The following PHACTR1 variants were observed in gnomAD, a reference collection of about 807,000 sequenced individuals.
PHACTR1 encodes phosphatase and actin regulator 1, also known as RPEL repeat containing 1.
Under a neutral mutation model 69.2 loss-of-function variants are expected in PHACTR1, and 16 were observed. The ratio of observed to expected loss-of-function variants is 0.23; its 90% CI spans 0.16 to 0.35. PHACTR1 has a LOEUF of 0.35. PHACTR1 is among the 10% of genes least tolerant of loss of function. The pLI is 1.00. For missense variants in PHACTR1, 510 were observed against 734.7 expected, an observed-to-expected ratio of 0.69 and a Z score of 3.54; for synonymous variants, 312 against 284.5, an observed-to-expected ratio of 1.10 and a Z score of -0.97.
intron 5 of PHACTR1, among the ~76,000 whole-genome samples, chr6:13,062,052 C>G (rs1038427531): frequency 5.9e-5 from 9 of 152,178 alleles, no homozygotes; most frequent in Admixed American, 2.6e-4. Context: ...TAGCCTTAGT[C>G]TGCTTCTGTC....
chr6:13,231,547 G>A (rs1029943506), intron 10 of PHACTR1, among the ~76,000 whole-genome samples: 1 of 152,202 alleles, frequency 6.6e-6, no homozygotes, highest in Non-Finnish European at 1.5e-5. Context: ...GATAAGGTGT[G>A]GTTTGATTAA....
intron 4 of PHACTR1, among the ~76,000 whole-genome samples, chr6:12,998,478 T>C (rs745461078): frequency 6.6e-6 from 1 of 151,878 alleles, no homozygotes; most frequent in Non-Finnish European, 1.5e-5. Context: ...TAGCCAGGCA[T>C]GGTGGTGCAC....
intron 4 of PHACTR1, among the ~76,000 whole-genome samples, chr6:13,037,944 A>G (rs1803562093): frequency 6.6e-6 from 1 of 152,058 alleles, no homozygotes; most frequent in Admixed American, 6.6e-5. Flanking sequence ...ATCAAGGACA[A>G]CTCGTTGGTT....
intron 10 of PHACTR1, among the ~76,000 whole-genome samples, chr6:13,240,858 A>G (rs980064832): frequency 2.0e-5 from 3 of 152,220 alleles, no homozygotes; most frequent in African/African-American, 7.2e-5. Flanking sequence ...TGCTGTAGAT[A>G]AAGTGTTTCC....
chr6:13,027,556 AC>A (rs34511027), intron 4 of PHACTR1, among the ~76,000 whole-genome samples: 105,850 of 151,976 alleles, frequency 0.7, 38,999 homozygotes, highest in East Asian at 0.88. Flanking sequence ...CTCTGATTAC[AC>A]TGTGAGAAAC....
rs191506840 is a variant in PHACTR1 at position 13,223,435 on chromosome 6, G to A, written c.987-4381G>A. On this transcript the variant is annotated intron_variant, in intron 8 of 14. Transcript: ENST00000332995. Reference sequence around the variant, plus strand: ...CCTGAGTATTAAACTCAGTGCCCCAGGAGTGGCCTGGTCATGGCAGGGTAG... The same window carrying A: ...CCTGAGTATTAAACTCAGTGCCCCAAGAGTGGCCTGGTCATGGCAGGGTAG... 1.4e-3 allele frequency among the ~76,000 whole-genome samples: 209 copies of A among 152,298 alleles called. 1 individual carries two copies. The highest frequency in any genetic ancestry group is 4.9e-3 in the African/African-American group (202 of 41,550).
At chr6:13,093,673 C>A (rs1337895535) in intron 5 of PHACTR1, among the ~76,000 whole-genome samples, 1 of 152,150 alleles carries the variant, frequency 6.6e-6, no homozygotes, top group East Asian at 1.9e-4. Context: ...GTGTTCCAGT[C>A]CTTATCCTCT....
At chr6:13,203,691 A>T (rs1470549844) in intron 7 of PHACTR1, among the ~76,000 whole-genome samples, 1 of 152,154 alleles carries the variant, frequency 6.6e-6, no homozygotes, top group African/African-American at 2.4e-5. Context: ...AAAACAGAGG[A>T]GAATATTCTA....
At chr6:12,883,170 A>G (rs2127458002) in intron 4 of PHACTR1, among the ~76,000 whole-genome samples, 1 of 152,230 alleles carries the variant, frequency 6.6e-6, no homozygotes, top group South Asian at 2.1e-4. Flanking sequence ...AGCCAGCTGG[A>G]TTGTAGCATT....
intron 4 of PHACTR1, among the ~76,000 whole-genome samples, chr6:12,821,360 A>G (rs6911029): frequency 0.97 from 148,071 of 151,908 alleles, 72,299 homozygotes; most frequent in East Asian, 1. Context: ...CTATTCAGGA[A>G]GCTGAGGCAG....
At chr6:13,241,291 A>C (rs984666391) in intron 10 of PHACTR1, among the ~76,000 whole-genome samples, 1 of 152,218 alleles carries the variant, frequency 6.6e-6, no homozygotes, top group African/African-American at 2.4e-5. Flanking sequence ...TGGGGAACAG[A>C]GGTCCAATGC....
chr6:12,976,505 G>A (rs1794899662), intron 4 of PHACTR1, among the ~76,000 whole-genome samples: 1 of 152,144 alleles, frequency 6.6e-6, no homozygotes, highest in African/African-American at 2.4e-5. Context: ...TGTGTCCAGG[G>A]CTCCTTCTGC....
At chr6:13,014,815 C>T (rs1271845075) in intron 4 of PHACTR1, among the ~76,000 whole-genome samples, 1 of 152,218 alleles carries the variant, frequency 6.6e-6, no homozygotes, top group Non-Finnish European at 1.5e-5. Context: ...TGAAGTAGAG[C>T]AGTGAAGGCG....
intron 3 of PHACTR1, among the ~76,000 whole-genome samples, chr6:12,728,369 G>A (rs1208089637): frequency 6.6e-6 from 1 of 151,918 alleles, no homozygotes; most frequent in Admixed American, 6.6e-5. Context: ...TAATTTTTTT[G>A]TATTTACTTT....
intron 4 of PHACTR1, among the ~76,000 whole-genome samples, chr6:13,007,933 G>A (rs759562420): frequency 4.6e-5 from 7 of 151,964 alleles, no homozygotes; most frequent in Admixed American, 6.6e-5. Context: ...ATTATCACAA[G>A]CCTAGAAGTA....
At chr6:13,151,920 AAGTG>A (rs561363769) in intron 5 of PHACTR1, among the ~76,000 whole-genome samples, 153 of 111,304 alleles carry the variant, frequency 1.4e-3, no homozygotes, top group African/African-American at 4.0e-3. Context: ...TTTTATAAAT[AAGTG>A]TGTGTGTGTG....
intron 4 of PHACTR1, among the ~76,000 whole-genome samples, chr6:13,014,120 G>T (rs149166703): frequency 6.6e-6 from 1 of 152,144 alleles, no homozygotes; most frequent in African/African-American, 2.4e-5. Flanking sequence ...ACTGCAGTCG[G>T]GGGGAGGACG....
At chr6:12,733,637 T>C (rs530269904) in intron 3 of PHACTR1, among the ~76,000 whole-genome samples, 1 of 152,348 alleles carries the variant, frequency 6.6e-6, no homozygotes, top group Admixed American at 6.5e-5. Context: ...CTACATCCTG[T>C]TGTCTTCTTG....
At chr6:12,738,077 G>T (rs1234759734) in intron 3 of PHACTR1, among the ~76,000 whole-genome samples, 1 of 152,198 alleles carries the variant, frequency 6.6e-6, no homozygotes, top group Admixed American at 6.5e-5. Context: ...TCTAAGGTTA[G>T]AATCCAGTAC....
Sources: allele counts gnomAD v4.1 joint callset (sites outside exome capture counted in the v4.1 genomes callset), GRCh38; gene constraint gnomAD v4.1.1; transcripts MANE v1.5; gene names NCBI Gene and HGNC (gene_info 2026-07-23, HGNC 2026-07-21).